GRID2: variants seen among roughly 807,000 people sequenced by gnomAD.
GRID2 encodes glutamate ionotropic receptor delta type subunit 2.
Under a neutral mutation model 114.8 loss-of-function variants are expected in GRID2, and 33 were observed. That is an observed-to-expected ratio of 0.29 (90% CI 0.22 to 0.38). The LOEUF is 0.38. GRID2 is among the 10% of genes least tolerant of loss of function. The pLI, the probability that GRID2 is intolerant of heterozygous loss-of-function variation, is 1.00. For missense variants in GRID2, 1,184 were observed against 1,257.7 expected (o/e 0.94, Z 0.89); for synonymous variants, 505 against 449.9 (o/e 1.12, Z -1.55).
At chr4:92,357,753 G>GTT in intron 1 of GRID2, among the ~76,000 whole-genome samples, 1 of 151,518 alleles carries the variant, frequency 6.6e-6, no homozygotes, top group Non-Finnish European at 1.5e-5. Flanking sequence ...TTAGTTCTTT[G>GTT]AGTCACAGTA....
At chr4:93,372,967 CA>C (rs1763068881) in intron 8 of GRID2, among the ~76,000 whole-genome samples, 1 of 152,016 alleles carries the variant, frequency 6.6e-6, no homozygotes, top group African/African-American at 2.4e-5. Context: ...CTCCTTTGCC[CA>C]TAACCAACAG....
intron 14 of GRID2, among the ~76,000 whole-genome samples, chr4:93,732,148 C>G (rs1465764823): frequency 6.6e-6 from 1 of 152,136 alleles, no homozygotes; most frequent in Non-Finnish European, 1.5e-5. Flanking sequence ...TAGGAGAAAG[C>G]TAACATGCAT....
chr4:93,779,870 A>G (rs1362373211), intron 1 of GRID2, among the ~76,000 whole-genome samples: 1 of 152,212 alleles, frequency 6.6e-6, no homozygotes, highest in African/African-American at 2.4e-5. Flanking sequence ...AGCAAAAGGC[A>G]AAGTGTGAGT....
At chr4:93,146,397 T>TA (rs919697116) in intron 4 of GRID2, among the ~76,000 whole-genome samples, 9 of 152,204 alleles carry the variant, frequency 5.9e-5, no homozygotes, top group Non-Finnish European at 1.3e-4. Flanking sequence ...GCGCATCCTG[T>TA]AAGCTCTAAT....
chr4:93,016,305 A>G (rs185367470), intron 2 of GRID2, among the ~76,000 whole-genome samples: 1 of 152,298 alleles, frequency 6.6e-6, no homozygotes, highest in East Asian at 1.9e-4. Flanking sequence ...AGTGACCTCT[A>G]TTCACCTCTG....
intron 2 of GRID2, among the ~76,000 whole-genome samples, chr4:92,924,504 T>G (rs1749652213): frequency 6.6e-6 from 1 of 152,202 alleles, no homozygotes; most frequent in Non-Finnish European, 1.5e-5. Context: ...GTTTTGTTTG[T>G]TAAGAAGAAA....
At chr4:93,096,771 C>G (rs908910337) in intron 3 of GRID2, among the ~76,000 whole-genome samples, 4 of 151,858 alleles carry the variant, frequency 2.6e-5, no homozygotes, top group African/African-American at 9.7e-5. Flanking sequence ...CAATTTTTTA[C>G]CAAGTTAAAT....
At position 93,772,324 on chromosome 4, in the gene GRID2, T is replaced by G; in HGVS notation, c.2850T>G (p.Ser950=). The change falls in exon 16 of 16, where the codon TCT becomes TCG. Residue 950 remains serine, a synonymous_variant. Transcript: ENST00000282020. ...LSRTLSAKAA[S]GFTFGNVPEH... is the part of the protein sequence containing the mutation. The stretch of plus-strand genomic sequence containing the variant: ...GCACACTGTCAGCTAAAGCTGCTTC[T>G]GGTTTCACTTTTGGCAACGTGCCTG... 1 of 1,614,160 alleles carries G rather than the reference T, an allele frequency of 6.2e-7. No individual in the cohort carries two copies. Among genetic ancestry groups the G allele is most frequent in the Non-Finnish European group, 8.5e-7 (1 of 1,180,006 alleles).
intron 2 of GRID2, among the ~76,000 whole-genome samples, chr4:92,601,606 C>T (rs1729217983): frequency 6.6e-6 from 1 of 152,072 alleles, no homozygotes; most frequent in African/African-American, 2.4e-5. Context: ...GACATCCTAA[C>T]ATCACAACTA....
intron 8 of GRID2, among the ~76,000 whole-genome samples, chr4:93,388,409 G>C (rs868692452): frequency 6.6e-6 from 1 of 152,086 alleles, no homozygotes; most frequent in South Asian, 2.1e-4. Context: ...TTTGGTGTCG[G>C]GATCTTTTTT....
At chr4:93,196,201 C>T (rs1227345276) in intron 4 of GRID2, among the ~76,000 whole-genome samples, 2 of 152,106 alleles carry the variant, frequency 1.3e-5, no homozygotes, top group Non-Finnish European at 2.9e-5. Context: ...CAGTAGGCCA[C>T]AAAGCTGCCT....
At chr4:92,331,416 C>G (rs963663526) in intron 1 of GRID2, among the ~76,000 whole-genome samples, 4 of 152,058 alleles carry the variant, frequency 2.6e-5, no homozygotes, top group African/African-American at 9.7e-5. Context: ...TTGTGTTACC[C>G]CAGAAGGAAA....
chr4:92,778,083 A>G (rs1328009691), intron 2 of GRID2, among the ~76,000 whole-genome samples: 2 of 152,090 alleles, frequency 1.3e-5, no homozygotes, highest in African/African-American at 4.8e-5. Flanking sequence ...CATCCTACAA[A>G]GCAGAGGACT....
At chr4:93,573,212 C>T (rs1397208303) in intron 13 of GRID2, among the ~76,000 whole-genome samples, 3 of 152,128 alleles carry the variant, frequency 2.0e-5, no homozygotes, top group African/African-American at 7.2e-5. Flanking sequence ...GCACATATCC[C>T]ATTATCTTTC....
rs1007169679 is a variant in GRID2 at position 92,503,073 on chromosome 4, A to C, written c.89-87058A>C. 2.0e-5 allele frequency among the ~76,000 whole-genome samples: 3 copies of C among 152,046 alleles called. No homozygotes were observed. In the East Asian group the frequency reaches 5.8e-4, roughly 29 times the overall value. ...GGTGGTTTTAAAATGAGTTCCTTGA[A>C]ATGTGGATACCTTGATCACAGTTTT... On this transcript the variant is annotated intron_variant, in intron 1 of 15. Transcript: ENST00000282020.
At chr4:93,591,841 C>T (rs563979650) in intron 13 of GRID2, among the ~76,000 whole-genome samples, 120 of 152,192 alleles carry the variant, frequency 7.9e-4, no homozygotes, top group South Asian at 1.7e-3. Flanking sequence ...AGTTTATTTG[C>T]GTAGAGGTGT....
chr4:93,699,048 G>A (rs1244925484), intron 14 of GRID2, among the ~76,000 whole-genome samples: 6 of 152,000 alleles, frequency 3.9e-5, no homozygotes, highest in Non-Finnish European at 4.4e-5. Context: ...ATCCTATAAC[G>A]TCCTATAATT....
chr4:92,334,396 A>C (rs1280210310), intron 1 of GRID2, among the ~76,000 whole-genome samples: 1 of 152,142 alleles, frequency 6.6e-6, no homozygotes, highest in Non-Finnish European at 1.5e-5. Context: ...TCTAGTTCCA[A>C]AGTCACTTCC....
chr4:92,340,327 A>G (rs1041706464), intron 1 of GRID2, among the ~76,000 whole-genome samples: 13 of 152,102 alleles, frequency 8.5e-5, no homozygotes, highest in African/African-American at 3.1e-4. Context: ...TATTTGCCAC[A>G]TTTTCCCGCA....
Sources: allele counts gnomAD v4.1 joint callset (sites outside exome capture counted in the v4.1 genomes callset), GRCh38; gene constraint gnomAD v4.1.1; transcripts MANE v1.5; gene names NCBI Gene and HGNC (gene_info 2026-07-23, HGNC 2026-07-21).